The following CNTN5 variants were observed in gnomAD, a reference collection of about 807,000 sequenced individuals.
The protein encoded by CNTN5 is contactin-5.
In CNTN5, 77 loss-of-function variants were observed where a neutral mutation model predicts 129.1. The observed-to-expected ratio is 0.60, with a 90% CI of 0.50 to 0.72. CNTN5 has a LOEUF of 0.72. Among genes scored for constraint, CNTN5 ranks in the 30% least tolerant of loss-of-function variants. The pLI is 0.00. For synonymous variants in CNTN5, 509 were observed against 465.6 expected (o/e 1.09, Z -1.20); for missense variants, 1,478 against 1,328.8 (o/e 1.11, Z -1.75).
At chr11:99,561,051 T>TACCATTTTC (rs1285048283) in intron 3 of CNTN5, among the ~76,000 whole-genome samples, 3 of 152,192 alleles carry the variant, frequency 2.0e-5, no homozygotes, top group Non-Finnish European at 4.4e-5. Context: ...ATACCATTTA[T>TACCATTTTC]ACCATTTTCT....
intron 1 of CNTN5, among the ~76,000 whole-genome samples, chr11:99,179,771 G>T (rs1255617297): frequency 6.6e-6 from 1 of 152,178 alleles, no homozygotes; most frequent in Admixed American, 6.5e-5. Flanking sequence ...AAGTGTTACA[G>T]ATATCTTCTG....
chr11:100,211,565 G>A (rs1949034031), intron 15 of CNTN5, among the ~76,000 whole-genome samples: 1 of 151,980 alleles, frequency 6.6e-6, no homozygotes, highest in African/African-American at 2.4e-5. Context: ...GTTCTAAATA[G>A]CCATCTGTAG....
At chr11:99,947,547 T>A (rs947017433) in intron 7 of CNTN5, among the ~76,000 whole-genome samples, 4 of 152,148 alleles carry the variant, frequency 2.6e-5, no homozygotes, top group Admixed American at 2.0e-4. Context: ...AAAAAACATT[T>A]TTGAAAAATT....
intron 1 of CNTN5, among the ~76,000 whole-genome samples, chr11:99,282,726 A>C (rs934752337): frequency 6.6e-6 from 1 of 152,060 alleles, no homozygotes; most frequent in Non-Finnish European, 1.5e-5. Flanking sequence ...AGCTGCTAGT[A>C]AAGTAAACTC....
chr11:99,122,960 G>A (rs541986321), intron 1 of CNTN5, among the ~76,000 whole-genome samples: 4 of 152,176 alleles, frequency 2.6e-5, no homozygotes, highest in Admixed American at 2.6e-4. Flanking sequence ...GGGCATTCAG[G>A]TTGATTTTTT....
At chr11:99,028,074 C>T (rs1184623539) in intron 1 of CNTN5, among the ~76,000 whole-genome samples, 3 of 151,702 alleles carry the variant, frequency 2.0e-5, no homozygotes. Flanking sequence ...TTTCCTAAAA[C>T]TTACATTCAA....
chr11:99,710,924 C>T (rs141826336), intron 3 of CNTN5, among the ~76,000 whole-genome samples: 121 of 151,960 alleles, frequency 8.0e-4, no homozygotes, highest in African/African-American at 2.8e-3. Context: ...GGAGTTGCTA[C>T]GCAAAATGCA....
At chr11:99,134,547 G>T (rs972696436) in intron 1 of CNTN5, among the ~76,000 whole-genome samples, 1 of 152,062 alleles carries the variant, frequency 6.6e-6, no homozygotes, top group Non-Finnish European at 1.5e-5. Flanking sequence ...ATAAACATAG[G>T]TTGCTTTAAT....
At chr11:99,482,340 T>G (rs2135316963) in intron 2 of CNTN5, among the ~76,000 whole-genome samples, 1 of 152,324 alleles carries the variant, frequency 6.6e-6, no homozygotes, top group East Asian at 1.9e-4. Context: ...TCTACATTGC[T>G]TTAAATGATA....
At chr11:99,083,794 A>G (rs566522943) in intron 1 of CNTN5, among the ~76,000 whole-genome samples, 24 of 152,244 alleles carry the variant, frequency 1.6e-4, no homozygotes, top group Non-Finnish European at 3.1e-4. Context: ...CTTCCACCCC[A>G]TAAGTCACTC....
chr11:99,090,601 T>A (rs1866198838), intron 1 of CNTN5, among the ~76,000 whole-genome samples: 1 of 151,642 alleles, frequency 6.6e-6, no homozygotes, highest in Non-Finnish European at 1.5e-5. Context: ...TGTTTCTGTA[T>A]TAAGGATCTT....
At chr11:99,512,803 C>A (rs561057453) in intron 2 of CNTN5, among the ~76,000 whole-genome samples, 1 of 152,238 alleles carries the variant, frequency 6.6e-6, no homozygotes, top group African/African-American at 2.4e-5. Flanking sequence ...ACCATTACAT[C>A]ATTTCTCTCT....
intron 15 of CNTN5, among the ~76,000 whole-genome samples, chr11:100,194,888 C>T (rs759127610): frequency 2.7e-5 from 4 of 149,744 alleles, no homozygotes; most frequent in African/African-American, 4.8e-5. Context: ...TTCCTTTCTT[C>T]CTGGTTTACT....
At chr11:99,493,085 A>G (rs1307725725) in intron 2 of CNTN5, among the ~76,000 whole-genome samples, 2 of 152,180 alleles carry the variant, frequency 1.3e-5, no homozygotes, top group Non-Finnish European at 1.5e-5. Flanking sequence ...GCTACCTCAA[A>G]TGCCCAGGCA....
At chr11:99,666,267 C>G (rs1952789424) in intron 3 of CNTN5, among the ~76,000 whole-genome samples, 1 of 152,146 alleles carries the variant, frequency 6.6e-6, no homozygotes, top group South Asian at 2.1e-4. Flanking sequence ...TGCGGCCAGT[C>G]AAATTCTTAA....
intron 1 of CNTN5, among the ~76,000 whole-genome samples, chr11:99,210,646 A>G (rs969139520): frequency 1.3e-5 from 2 of 152,154 alleles, no homozygotes; most frequent in African/African-American, 4.8e-5. Flanking sequence ...AAGACTAAAA[A>G]TATAAAAATA....
intron 13 of CNTN5, among the ~76,000 whole-genome samples, chr11:100,116,036 C>T (rs1945830900): frequency 6.6e-6 from 1 of 152,014 alleles, no homozygotes; most frequent in South Asian, 2.1e-4. Flanking sequence ...GAAGAACCAC[C>T]TCTTCCTGCC....
At chr11:99,633,079 G>T (rs1951423905) in intron 3 of CNTN5, among the ~76,000 whole-genome samples, 1 of 152,110 alleles carries the variant, frequency 6.6e-6, no homozygotes, top group Non-Finnish European at 1.5e-5. Context: ...ATGGTGAAAT[G>T]GGGAATCAGC....
intron 9 of CNTN5, among the ~76,000 whole-genome samples, chr11:100,024,330 T>C (rs1311138326): frequency 6.6e-6 from 1 of 152,182 alleles, no homozygotes; most frequent in Non-Finnish European, 1.5e-5. Context: ...TCCCCAGCCA[T>C]GTGGAACTAT....
Sources: gnomAD v4.1 joint callset for allele counts (sites outside exome capture counted in the v4.1 genomes callset) on GRCh38, gnomAD v4.1.1 for gene constraint, MANE v1.5 for transcripts, NCBI Gene and HGNC (gene_info 2026-07-23, HGNC 2026-07-21) for gene names.